PPP2R2C: variants seen among roughly 807,000 people sequenced by gnomAD.
The protein encoded by PPP2R2C is protein phosphatase 2, regulatory subunit B, gamma.
Under a neutral mutation model 45.3 loss-of-function variants are expected in PPP2R2C, and 10 were observed. That is an observed-to-expected ratio of 0.22 (90% CI 0.14 to 0.37). The LOEUF is 0.37. PPP2R2C is among the 10% of genes least tolerant of loss of function. PPP2R2C has a pLI of 1.00. For missense variants in PPP2R2C, 308 were observed against 619.7 expected (o/e 0.50, Z 5.34); for synonymous variants, 257 against 245.4 (o/e 1.05, Z -0.44).
At position 6,453,171 on chromosome 4, in the gene PPP2R2C, C is replaced by G. The variant is rs561148598; in HGVS notation, c.70+18989G>C. ...CCATCCACCCTTGAAGGGACCCCCC[C>G]ACAGAGGATATTCTTGTCTCTGGCT... On this transcript the variant is annotated intron_variant, in intron 1 of 8. Transcript: ENST00000382599. 3.9e-5 allele frequency among the ~76,000 whole-genome samples: 6 copies of G among 152,272 alleles called. No individual in the cohort carries two copies. The South Asian group carries it at 1.0e-3, about 26-fold the overall frequency.
At chr4:6,422,228 G>A (rs554551949) in intron 1 of PPP2R2C, among the ~76,000 whole-genome samples, 1 of 152,322 alleles carries the variant, frequency 6.6e-6, no homozygotes, top group African/African-American at 2.4e-5. Flanking sequence ...GCACTGAAAT[G>A]GAGACAAGTG....
intron 2 of PPP2R2C, among the ~76,000 whole-genome samples, chr4:6,506,692 T>C (rs1485507977): frequency 6.6e-6 from 1 of 152,200 alleles, no homozygotes; most frequent in Non-Finnish European, 1.5e-5. Flanking sequence ...TCTGCTATAG[T>C]GGTTGGGCAG....
chr4:6,338,470 G>A (rs1245662272), intron 6 of PPP2R2C, among the ~76,000 whole-genome samples: 5 of 152,150 alleles, frequency 3.3e-5, no homozygotes, highest in East Asian at 1.9e-4. Context: ...CGGCTCTGAC[G>A]GACCTGTGAA....
At chr4:6,327,347 C>T (rs1732025144) in intron 8 of PPP2R2C, among the ~76,000 whole-genome samples, 1 of 152,084 alleles carries the variant, frequency 6.6e-6, no homozygotes, top group African/African-American at 2.4e-5. Context: ...CAGGAAGTGG[C>T]GGGTGGGAGG....
At chr4:6,479,271 CCT>C (rs1722268024) in intron 2 of PPP2R2C, among the ~76,000 whole-genome samples, 1 of 152,186 alleles carries the variant, frequency 6.6e-6, no homozygotes, top group African/African-American at 2.4e-5. Context: ...CCAGCATTCC[CCT>C]CCATGACCCC....
In PPP2R2C at chr4:6,332,550, T is replaced by C. The variant is rs562616098; in HGVS notation, c.960+1012A>G. The stretch of plus-strand genomic sequence containing the variant: ...CTCTGCACCAGTTCCCAGCGAGGCC[T>C]GCGCCACCCAGGACGCTTTCCTACT... On this transcript the variant is annotated intron_variant, in intron 7 of 8. Transcript: ENST00000382599. The surrounding 1 kb of genome is among the most constrained non-coding windows in gnomAD (Gnocchi z 4.9). Among the ~76,000 whole-genome samples, 1 of 152,272 alleles carries C rather than the reference T, an allele frequency of 6.6e-6. No homozygotes were observed. The highest frequency in any genetic ancestry group is 1.5e-5 in the Non-Finnish European group (1 of 68,014).
intron 1 of PPP2R2C, among the ~76,000 whole-genome samples, chr4:6,423,965 C>G (rs1719130797): frequency 6.6e-6 from 1 of 152,248 alleles, no homozygotes; most frequent in African/African-American, 2.4e-5. Context: ...CTGATTTCGT[C>G]CATTCACTGC....
At chr4:6,436,285 G>C (rs978035223) in intron 1 of PPP2R2C, among the ~76,000 whole-genome samples, 1 of 152,200 alleles carries the variant, frequency 6.6e-6, no homozygotes, top group African/African-American at 2.4e-5. Context: ...TGTTCTTATT[G>C]CTCCATGAGA....
At chr4:6,419,901 G>C (rs1307900410) in intron 1 of PPP2R2C, among the ~76,000 whole-genome samples, 1 of 152,184 alleles carries the variant, frequency 6.6e-6, no homozygotes, top group African/African-American at 2.4e-5. Flanking sequence ...AAGGACACCA[G>C]CCATTGGACT....
chr4:6,365,286 T>TGGTATGTA (rs2109276259), intron 5 of PPP2R2C, among the ~76,000 whole-genome samples: 2 of 152,284 alleles, frequency 1.3e-5, no homozygotes, highest in Non-Finnish European at 2.9e-5. Context: ...CAGCCATCAG[T>TGGTATGTA]GGTATGTATC....
intron 1 of PPP2R2C, among the ~76,000 whole-genome samples, chr4:6,422,914 C>T (rs994101122): frequency 6.6e-6 from 1 of 152,154 alleles, no homozygotes; most frequent in East Asian, 1.9e-4. Context: ...TAAGTAACAA[C>T]AACTAACCTT....
In PPP2R2C at chr4:6,329,439, G is replaced by T; in HGVS notation, c.961-86C>A. The T allele has an allele frequency of 8.5e-7, 1 of 1,182,014 alleles. No homozygotes were observed. Among genetic ancestry groups the T allele is most frequent in the Non-Finnish European group, 1.3e-6 (1 of 796,286 alleles). 73.2% of individuals were successfully genotyped at this position (1,182,014 alleles called of 1,614,324 possible). On this transcript the variant is annotated intron_variant, in intron 7 of 8. Transcript: ENST00000382599. The surrounding 1 kb of genome is among the most constrained non-coding windows in gnomAD (Gnocchi z 5.8). ...AAGAAGGGTCTCAAAGAGCAGCGAG[G>T]GTCTGCATGCCCTGACATGGCCCAG... is the stretch of plus-strand genomic sequence containing the variant.
At chr4:6,327,189 G>C (rs1394141636) in intron 8 of PPP2R2C, among the ~76,000 whole-genome samples, 1 of 152,212 alleles carries the variant, frequency 6.6e-6, no homozygotes, top group African/African-American at 2.4e-5. Flanking sequence ...TTGAGTCATA[G>C]TAGCCCCCCA....
In PPP2R2C at chr4:6,527,269, G is replaced by A. The variant is rs568216750; in HGVS notation, c.49+8002C>T. The stretch of plus-strand genomic sequence containing the variant: ...GGATCTGTCCCCTCTCAGGGCCTCG[G>A]TTTACCCCGCTAGAAGGAATGCACC... On this transcript the variant is annotated intron_variant, in intron 2 of 9. Coordinates refer to the PPP2R2C transcript ENST00000506140. Among the ~76,000 whole-genome samples the A allele has an allele frequency of 7.1e-4, 108 of 152,304 alleles. 1 individual carries two copies. Among genetic ancestry groups the A allele is most frequent in the Non-Finnish European group, 6.3e-4 (43 of 68,036 alleles).
At position 6,519,337 on chromosome 4, in the gene PPP2R2C, C is replaced by T. The variant is rs557364105; in HGVS notation, c.49+15934G>A. Among the ~76,000 whole-genome samples, 23 of 152,298 alleles carry T rather than the reference C, an allele frequency of 1.5e-4. No individual in the cohort carries two copies. The East Asian group carries it at 4.2e-3, about 28-fold the overall frequency. On this transcript the variant is annotated intron_variant, in intron 2 of 9. Coordinates refer to the PPP2R2C transcript ENST00000506140. Reference sequence around the variant, plus strand: ...GGAAGAGATAAATCACAGTGCAAGCCAAAATAGTCCCTGTGGTATGAGGAG... The same window carrying T: ...GGAAGAGATAAATCACAGTGCAAGCTAAAATAGTCCCTGTGGTATGAGGAG...
At chr4:6,414,500 G>C (rs149252671) in intron 1 of PPP2R2C, among the ~76,000 whole-genome samples, 1 of 152,054 alleles carries the variant, frequency 6.6e-6, no homozygotes, top group Non-Finnish European at 1.5e-5. Context: ...TTAGCCTCAA[G>C]GATGGCTACA....
chr4:6,538,583 T>C (rs1306464364), intron 1 of PPP2R2C, among the ~76,000 whole-genome samples: 2 of 152,082 alleles, frequency 1.3e-5, no homozygotes, highest in Non-Finnish European at 2.9e-5. Context: ...CAAACGCCAA[T>C]AACACGGCAA....
At position 6,346,589 on chromosome 4, in the gene PPP2R2C, G is replaced by A. The variant is rs79626464; in HGVS notation, c.790+1257C>T. On this transcript the variant is annotated intron_variant, in intron 6 of 8. Transcript: ENST00000382599. Reference sequence around the variant, plus strand: ...CTGCACACCCATGCCAGGAATAGGCGCCTACTGAATGCCTGGATGGCTGAG... The same window carrying A: ...CTGCACACCCATGCCAGGAATAGGCACCTACTGAATGCCTGGATGGCTGAG... Among the ~76,000 whole-genome samples, 610 of 152,328 alleles carry A rather than the reference G, an allele frequency of 4.0e-3. 7 individuals are homozygous for A. Among genetic ancestry groups the A allele is most frequent in the East Asian group, 0.039 (202 of 5,174 alleles).
At chr4:6,400,010 G>T (rs148211314) in intron 1 of PPP2R2C, among the ~76,000 whole-genome samples, 40 of 152,322 alleles carry the variant, frequency 2.6e-4, no homozygotes, top group African/African-American at 9.1e-4. Flanking sequence ...CTGAGTCAAT[G>T]CATGTGAATG....
Sources: gnomAD v4.1 joint callset for allele counts (sites outside exome capture counted in the v4.1 genomes callset) on GRCh38, gnomAD v4.1.1 for gene constraint, Gnocchi (gnomAD v3.1) non-coding constraint, MANE v1.5 for transcripts, NCBI Gene and HGNC (gene_info 2026-07-23, HGNC 2026-07-21) for gene names.